EDA: variants seen among roughly 807,000 people sequenced by gnomAD.
EDA encodes ectodysplasin A.
In EDA, 2 loss-of-function variants were observed where a neutral mutation model predicts 23.6. The observed-to-expected ratio is 0.08, with a 90% CI of 0.03 to 0.27. EDA has a LOEUF of 0.27. EDA is among the 10% of genes least tolerant of loss of function. The probability of loss-of-function intolerance (pLI) is 1.00; values close to 1 mark genes in which losing one functional copy is unlikely to be tolerated. For synonymous variants in EDA, 131 were observed against 132.0 expected (o/e 0.99, Z 0.05); for missense variants, 229 against 324.2 (o/e 0.71, Z 2.26).
At chrX:69,827,358 T>C (rs1341559640) in intron 1 of EDA, among the ~76,000 whole-genome samples, 1 of 112,145 alleles carries the variant, frequency 8.9e-6, no homozygotes, top group African/African-American at 3.2e-5. Context: ...AGATTTGGTC[T>C]TTTCACATAG....
rs138843780 is a variant in EDA at position 69,956,692 on chromosome X, G to A, written c.397-335G>A. ...TTTCTGTTCAACTCAAATTCTGAGT[G>A]AGCATCCTCAGTATGTGTGGGAAGT... On this transcript the variant is annotated intron_variant, in intron 1 of 7. Coordinates refer to ENST00000374552, the MANE Select transcript of EDA (RefSeq NM_001399.5). 7.2e-5 allele frequency among the ~76,000 whole-genome samples: 8 copies of A among 111,766 alleles called. No individual in the cohort carries two copies. In the East Asian group the frequency reaches 2.2e-3, roughly 31 times the overall value.
chrX:69,751,556 T>C (rs1350626821), intron 1 of EDA, among the ~76,000 whole-genome samples: 2 of 112,266 alleles, frequency 1.8e-5, no homozygotes, highest in Non-Finnish European at 3.8e-5. Flanking sequence ...TTTCCAATTC[T>C]ATGAAGAAAG....
chrX:69,620,013 G>A (rs990015506), intron 1 of EDA, among the ~76,000 whole-genome samples: 7 of 111,665 alleles, frequency 6.3e-5, no homozygotes, highest in Non-Finnish European at 1.3e-4. Flanking sequence ...CCATTAAATT[G>A]ATCAAAAGGA....
intron 1 of EDA, among the ~76,000 whole-genome samples, chrX:69,702,268 G>A (rs1012223408): frequency 2.7e-5 from 3 of 110,881 alleles, no homozygotes; most frequent in Admixed American, 9.7e-5. Context: ...GGAAGAAGCC[G>A]GAAGTGGTTC....
At chrX:69,965,602 T>C (rs1173535911) in intron 2 of EDA, among the ~76,000 whole-genome samples, 1 of 112,215 alleles carries the variant, frequency 8.9e-6, no homozygotes, top group Non-Finnish European at 1.9e-5. Flanking sequence ...ATGTCCATTA[T>C]TTAGGAACTC....
chrX:70,023,195 T>A (rs368529891), intron 2 of EDA, 23 bp from the exon 3 acceptor site: 29 of 1,001,232 alleles, frequency 2.9e-5, no homozygotes, highest in Non-Finnish European at 3.9e-5. Flanking sequence ...ATGACTTAAT[T>A]ATCTATTTTA....
chrX:69,653,061 C>T (rs1933157733), intron 1 of EDA, among the ~76,000 whole-genome samples: 1 of 111,732 alleles, frequency 8.9e-6, no homozygotes, highest in Admixed American at 9.5e-5. Context: ...TATAAATTAC[C>T]TTGGGCAGTA....
rs2015561298 is a variant in EDA at position 69,797,069 on chromosome X, C to CT, written c.397-159951dup. The stretch of plus-strand genomic sequence containing the variant: ...AAAGAACAAAAAAGAATAAGCAGAG[C>CT]TTTTTTTATATGTATAGGACACCAT... On this transcript the variant is annotated intron_variant, in intron 1 of 7. Coordinates refer to ENST00000374552, the MANE Select transcript of EDA (RefSeq NM_001399.5). 2.7e-5 allele frequency among the ~76,000 whole-genome samples: 3 copies of CT among 110,573 alleles called. No homozygotes were observed. In the Admixed American group the frequency reaches 2.9e-4, roughly 11 times the overall value.
At position 70,027,940 on chromosome X, in the gene EDA, G is replaced by T; in HGVS notation, c.610G>T (p.Gly204Trp). Residue 204 changes from glycine to tryptophan, a missense_variant, in exon 4 of 8, where the codon GGG becomes TGG. By Grantham distance (184) the Gly-to-Trp change is radical. This residue lies in a region of EDA where 175 missense variants were observed against 281.8 expected (regional missense o/e 0.62). Transcript: ENST00000374552. Reference sequence around the variant, plus strand: ...ACCCCAGGGACCCCCAGGAATTCCAGGGATTCCTGGAATTCCAGGAACAAC... The same window carrying T: ...ACCCCAGGGACCCCCAGGAATTCCATGGATTCCTGGAATTCCAGGAACAAC... ...PGPQGPPGIP[G>W]IPGIPGTTVM... is the part of the protein sequence containing the mutation. 8.4e-7 allele frequency: 1 copy of T among 1,183,683 alleles called. No individual in the cohort carries two copies. Among genetic ancestry groups the T allele is most frequent in the East Asian group, 3.1e-5 (1 of 31,989 alleles).
At chrX:69,885,533 A>G (rs1038846304) in intron 1 of EDA, among the ~76,000 whole-genome samples, 1 of 112,100 alleles carries the variant, frequency 8.9e-6, no homozygotes, top group African/African-American at 3.2e-5. Flanking sequence ...ATTTCTCTTT[A>G]AGGCTGAATG....
chrX:69,990,678 C>T (rs1359837), intron 2 of EDA, among the ~76,000 whole-genome samples: 9,684 of 108,517 alleles, frequency 0.089, 357 homozygotes, highest in South Asian at 0.12. Flanking sequence ...GAAAAGTTTT[C>T]TCTCATGCTG....
chrX:69,799,296 G>A (rs988241120), intron 1 of EDA, among the ~76,000 whole-genome samples: 42 of 111,407 alleles, frequency 3.8e-4, no homozygotes, highest in African/African-American at 1.1e-3. Context: ...TTTGAGTAAT[G>A]TCCCAGAAGC....
At chrX:69,760,837 A>G (rs1263124444) in intron 1 of EDA, among the ~76,000 whole-genome samples, 3 of 111,624 alleles carry the variant, frequency 2.7e-5, no homozygotes, top group Non-Finnish European at 5.6e-5. Context: ...TATAAGGTAA[A>G]AATGAACTCG....
intron 1 of EDA, among the ~76,000 whole-genome samples, chrX:69,851,681 C>A (rs1467937623): frequency 8.9e-6 from 1 of 111,922 alleles, no homozygotes; most frequent in Non-Finnish European, 1.9e-5. Context: ...TTGGCTAGTT[C>A]CAAGAACTTT....
rs1267780571 is a variant in EDA at position 70,038,780 on chromosome X, G to A, written c.*3171G>A. On this transcript the variant is annotated 3_prime_UTR_variant, in exon 8 of 8. Transcript: ENST00000374552. Reference sequence around the variant, plus strand: ...GCAAATAGATTCAGAGAAATTTAGAGCTAAAAAGGCCCTTAGAGGGAATCT... The same window carrying A: ...GCAAATAGATTCAGAGAAATTTAGAACTAAAAAGGCCCTTAGAGGGAATCT... 8.9e-6 allele frequency: 1 copy of A among 112,307 alleles called. No homozygotes were observed. Among genetic ancestry groups the A allele is most frequent in the Non-Finnish European group, 1.9e-5 (1 of 53,195 alleles). 9.3% of individuals were successfully genotyped at this position (112,307 alleles called of 1,213,427 possible).
At chrX:70,007,114 A>T (rs912024974) in intron 2 of EDA, among the ~76,000 whole-genome samples, 2 of 112,303 alleles carry the variant, frequency 1.8e-5, no homozygotes, top group African/African-American at 6.5e-5. Flanking sequence ...TTTCACAAAT[A>T]CCACTGTCTT....
At chrX:69,864,976 G>A (rs1429717588) in intron 1 of EDA, among the ~76,000 whole-genome samples, 2 of 110,908 alleles carry the variant, frequency 1.8e-5, no homozygotes, top group South Asian at 3.8e-4. Flanking sequence ...GTGACAGAGC[G>A]AGACTCCATC....
At chrX:69,666,666 T>A (rs1933694825) in intron 1 of EDA, among the ~76,000 whole-genome samples, 1 of 112,326 alleles carries the variant, frequency 8.9e-6, no homozygotes, top group African/African-American at 3.2e-5. Flanking sequence ...GCTTATATAA[T>A]CTTTTTGATG....
intron 1 of EDA, among the ~76,000 whole-genome samples, chrX:69,767,624 A>G (rs1377040029): frequency 8.9e-6 from 1 of 112,083 alleles, no homozygotes; most frequent in Non-Finnish European, 1.9e-5. Context: ...AACTGTTGAT[A>G]AACATGTGAC....
Sources: allele counts gnomAD v4.1 joint callset (sites outside exome capture counted in the v4.1 genomes callset), GRCh38; gene constraint gnomAD v4.1.1; regional missense constraint gnomAD v4.1.1; transcripts MANE v1.5; gene names NCBI Gene and HGNC (gene_info 2026-07-23, HGNC 2026-07-21).